IQCF2: variants seen among roughly 807,000 people sequenced by gnomAD.
IQCF2 encodes the protein IQ domain-containing protein F2.
IQCF2 carries 6 observed loss-of-function variants against 7.0 expected under a neutral mutation model. That is an observed-to-expected ratio of 0.86 (90% CI 0.47 to 1.70). IQCF2 has a LOEUF of 1.70. Among genes scored for constraint, IQCF2 ranks in the 40% most tolerant of loss-of-function variants. The pLI is 0.01. For synonymous variants in IQCF2, 67 were observed against 74.0 expected (o/e 0.91, Z 0.48); for missense variants, 174 against 204.6 (o/e 0.85, Z 0.91).
At chr3:51,862,923 C>T in intron 2 of IQCF2, 64 bp from the exon 3 acceptor site, 1 of 1,519,024 alleles carries the variant, frequency 6.6e-7, no homozygotes, top group South Asian at 1.3e-5. Context: ...CAGGCTCCTT[C>T]CAGGAAGATC....
chr3:51,863,030 C>A lies in IQCF2; in HGVS notation c.155C>A (p.Ala52Asp). 3 of 1,613,856 alleles carry A rather than the reference C, an allele frequency of 1.9e-6. No homozygotes were observed. Among genetic ancestry groups the A allele is most frequent in the Non-Finnish European group, 2.5e-6 (3 of 1,179,830 alleles). Reference sequence around the variant, plus strand: ...ACAAAAGCAGCTGTAAAGATCCAGGCCTGGTGGCGGGGCACCCTGGTGCGC... The same window carrying A: ...ACAAAAGCAGCTGTAAAGATCCAGGACTGGTGGCGGGGCACCCTGGTGCGC... ...IRTKAAVKIQ[A>D]WWRGTLVRRT... Residue 52 changes from alanine (A) to aspartate (D), a missense_variant, in exon 3 of 3, where the codon GCC becomes GAC. By Grantham distance (126) the Ala-to-Asp change is moderately radical. Coordinates refer to ENST00000333127, the MANE Select transcript of IQCF2 (RefSeq NM_203424.2).
In IQCF2 at chr3:51,861,918, AC is replaced by A; in HGVS notation, c.80del (p.Thr27AsnfsTer16). The stretch of plus-strand genomic sequence containing the variant: ...TGTTGAAGAAAGCATTGAATGGAAG[AC>A]ATTGCAGAAGAAGAAACAGCAGAAA... ...EDVEESIEWKTLQKKKQQKIK... is the reference protein window; with the variant it reads ...EDVEESIEWKXLQKKKQQKIK... On this transcript the variant is annotated frameshift_variant, in exon 2 of 3. Coordinates refer to ENST00000333127, the MANE Select transcript of IQCF2 (RefSeq NM_203424.2). LOFTEE classifies it low-confidence loss of function (END_TRUNC). The A allele has an allele frequency of 6.2e-7, 1 of 1,613,910 alleles. No homozygotes were observed. The highest frequency in any genetic ancestry group is 8.5e-7 in the Non-Finnish European group (1 of 1,179,782).
chr3:51,862,038 G>A, intron 2 of IQCF2, 88 bp downstream of exon 2: 2 of 886,356 alleles, frequency 2.3e-6, no homozygotes, highest in Non-Finnish European at 3.6e-6. Context: ...ATCAATCCAG[G>A]GTCTAATTAG....
chr3:51,861,952 TGA>T lies in IQCF2; in HGVS notation c.111+5_111+6del, dbSNP rs769174726. Reference sequence around the variant, plus strand: ...AAGAAGAAACAGCAGAAAATCAAGGTGAGAAGAATTCCATGTACTTAAGAGAA... The same window carrying T: ...AAGAAGAAACAGCAGAAAATCAAGGTGAAGAATTCCATGTACTTAAGAGAA... On this transcript the variant is annotated splice_donor_region_variant and intron_variant, in intron 2 of 2. Transcript: ENST00000333127. 36 of 1,603,238 alleles carry T rather than the reference TGA, an allele frequency of 2.2e-5. No homozygotes were observed. Among genetic ancestry groups the T allele is most frequent in the African/African-American group, 2.7e-5 (2 of 74,642 alleles).
chr3:51,861,853 G>A lies in IQCF2; in HGVS notation c.19-5G>A. Reference sequence around the variant, plus strand: ...TATGTACTTCCCATTTAATTCTGATGACAGACCAAAGGCAATTTAATTTTG... The same window carrying A: ...TATGTACTTCCCATTTAATTCTGATAACAGACCAAAGGCAATTTAATTTTG... On this transcript the variant is annotated splice_region_variant and splice_polypyrimidine_tract_variant and intron_variant, in intron 1 of 2. Transcript: ENST00000333127. The A allele has an allele frequency of 6.2e-7, 1 of 1,611,410 alleles. No individual in the cohort carries two copies.
chr3:51,862,243 C>T (rs1041085954), intron 2 of IQCF2, among the ~76,000 whole-genome samples: 2 of 151,592 alleles, frequency 1.3e-5, no homozygotes, highest in Non-Finnish European at 2.9e-5. Context: ...ACTAAAAATA[C>T]AAAAAATTAG....
In IQCF2 at chr3:51,861,656, A is replaced by G. The variant is rs1698637000; in HGVS notation, c.-11A>G. 1.2e-6 allele frequency: 2 copies of G among 1,614,030 alleles called. No individual in the cohort carries two copies. The highest frequency in any genetic ancestry group is 2.7e-5 in the African/African-American group (2 of 74,938). ...AGAAATCAGGGCTAATGAACCATCT[A>G]AGGACAGGCCATGAGGGTTCGATTT... On this transcript the variant is annotated 5_prime_UTR_variant, in exon 1 of 3. Transcript: ENST00000333127.
chr3:51,862,530 G>A (rs1487325953), intron 2 of IQCF2, among the ~76,000 whole-genome samples: 1 of 152,038 alleles, frequency 6.6e-6, no homozygotes, highest in Non-Finnish European at 1.5e-5. Context: ...TAGAATATGT[G>A]GTCAGGGTAT....
chr3:51,861,936 C>T lies in IQCF2; in HGVS notation c.97C>T (p.Gln33Ter). Residue 33 changes from glutamine to a stop codon, truncating the protein, a stop_gained, in exon 2 of 3, where the codon CAG (glutamine) becomes TAG (stop). Transcript: ENST00000333127. LOFTEE classifies it low-confidence loss of function (END_TRUNC). ...ATGGAAGACATTGCAGAAGAAGAAA[C>T]AGCAGAAAATCAAGGTGAGAAGAAT... The part of the protein sequence containing the change: ...IEWKTLQKKK[Q>*]QKIKEKLRIR... The T allele has an allele frequency of 1.2e-6, 2 of 1,612,144 alleles. No homozygotes were observed. Among genetic ancestry groups the T allele is most frequent in the Non-Finnish European group, 1.7e-6 (2 of 1,178,306 alleles).
Position 51,861,692 on chromosome 3 carries a change from A to G in IQCF2, c.18+8A>G, listed in dbSNP as rs1329899866. ...ATGAGGGTTCGATTTTGTGTAAGAG[A>G]CATGGCCAGATCTATTAGGTGGACC... On this transcript the variant is annotated splice_region_variant and intron_variant, in intron 1 of 2. Transcript: ENST00000333127. 5.0e-6 allele frequency: 8 copies of G among 1,614,022 alleles called. No individual in the cohort carries two copies. The highest frequency in any genetic ancestry group is 1.3e-5 in the African/African-American group (1 of 74,926).
At chr3:51,862,940 G>C in intron 2 of IQCF2, 47 bp from the exon 3 acceptor site, 1 of 1,546,036 alleles carries the variant, frequency 6.5e-7, no homozygotes, top group Non-Finnish European at 8.7e-7. Flanking sequence ...GATCCTAGAA[G>C]TTGGTGGCAG....
rs765351237 is a variant in IQCF2 at position 51,863,043 on chromosome 3, C to T, written c.168C>T (p.Gly56=). Residue 56 remains glycine (G), a synonymous_variant, in exon 3 of 3, where the codon GGC becomes GGT. Coordinates refer to ENST00000333127, the MANE Select transcript of IQCF2 (RefSeq NM_203424.2). ...AAVKIQAWWR[G]TLVRRTLLHA... is the part of the protein sequence containing the mutation. ...TAAAGATCCAGGCCTGGTGGCGGGG[C>T]ACCCTGGTGCGCAGGACACTGCTGC... 1.9e-6 allele frequency: 3 copies of T among 1,614,088 alleles called. No homozygotes were observed. The highest frequency in any genetic ancestry group is 2.2e-5 in the South Asian group (2 of 91,086).
intron 2 of IQCF2, 51 bp downstream of exon 2, chr3:51,862,001 A>G: frequency 7.4e-7 from 1 of 1,344,730 alleles, no homozygotes; most frequent in South Asian, 1.2e-5. Context: ...TTATAACTAC[A>G]TCATAAGGTG....
Position 51,861,653 on chromosome 3 carries a change from T to C in IQCF2, c.-14T>C. 3 of 1,614,164 alleles carry C rather than the reference T, an allele frequency of 1.9e-6. No individual in the cohort carries two copies. In the Admixed American group the frequency reaches 5.0e-5, roughly 27 times the overall value. ...CAGAGAAATCAGGGCTAATGAACCA[T>C]CTAAGGACAGGCCATGAGGGTTCGA... On this transcript the variant is annotated 5_prime_UTR_variant, in exon 1 of 3. Transcript: ENST00000333127.
In IQCF2 at chr3:51,863,239, G is replaced by A. The variant is rs781025334; in HGVS notation, c.364G>A (p.Val122Met). The change falls in exon 3 of 3, where the codon GTG becomes ATG. Residue 122 changes from valine to methionine, a missense_variant. Val to Met is a conservative substitution (Grantham distance 21). Transcript: ENST00000333127. ...MWRVRWRYCQ[V>M]LNAIYIIQGH... ...GCGTGTCCGCTGGCGATACTGCCAG[G>A]TGCTCAATGCCATCTACATCATCCA... is the stretch of plus-strand genomic sequence containing the variant. The A allele has an allele frequency of 4.5e-5, 73 of 1,614,094 alleles. No individual in the cohort carries two copies. The highest frequency in any genetic ancestry group is 6.2e-5 in the Non-Finnish European group (73 of 1,180,050).
At chr3:51,862,084 C>G in intron 2 of IQCF2, 134 bp downstream of exon 2, 1 of 650,634 alleles carries the variant, frequency 1.5e-6, no homozygotes, top group South Asian at 1.9e-5. Flanking sequence ...TTCCTCCATT[C>G]TCTTCTCAGT....
Position 51,863,174 on chromosome 3 carries a change from A to G in IQCF2, c.299A>G (p.Glu100Gly), listed in dbSNP as rs372504942. Residue 100 changes from glutamate to glycine, a missense_variant, in exon 3 of 3, where the codon GAG becomes GGG. By Grantham distance (98) the Glu-to-Gly change is moderately conservative (BLOSUM62 -2). Transcript: ENST00000333127. ...GCTCTGATCGCCTACGCAACCAGAG[A>G]GAGGGCAGTGATCAAGCTCCAGTCT... ...QAALIAYATR[E>G]RAVIKLQSLV... The G allele has an allele frequency of 7.3e-5, 118 of 1,614,066 alleles. No individual in the cohort carries two copies. The highest frequency in any genetic ancestry group is 6.6e-4 in the Middle Eastern group (4 of 6,084).
intron 1 of IQCF2, 24 bp from the exon 2 acceptor site, chr3:51,861,834 C>T (rs986539): frequency 0.97 from 1,534,867 of 1,590,292 alleles, 744,425 homozygotes; most frequent in South Asian, 0.98. Context: ...CATTTATGTA[C>T]TTCCCATTTA....
chr3:51,862,005 T>C (rs1211311504), intron 2 of IQCF2, 55 bp downstream of exon 2: 4 of 1,322,320 alleles, frequency 3.0e-6, no homozygotes, highest in African/African-American at 1.4e-5. Flanking sequence ...AACTACATCA[T>C]AAGGTGTAGG....
Sources: allele counts gnomAD v4.1 joint callset (sites outside exome capture counted in the v4.1 genomes callset), GRCh38; gene constraint gnomAD v4.1.1; transcripts MANE v1.5; gene names NCBI Gene and HGNC (gene_info 2026-07-23, HGNC 2026-07-21).